The following GALNT13 variants were observed in gnomAD, a reference collection of about 807,000 sequenced individuals.
GALNT13 encodes the protein UDP-GalNAc:polypeptide N-acetylgalactosaminyltransferase 13.
In GALNT13, 28 loss-of-function variants were observed where a neutral mutation model predicts 64.2. The observed-to-expected ratio is 0.44, with a 90% confidence interval of 0.32 to 0.60. GALNT13 has a LOEUF of 0.60. GALNT13 is among the 20% of genes least tolerant of loss of function. The pLI is 0.05. For synonymous variants in GALNT13, 214 were observed against 224.6 expected (o/e 0.95, Z 0.42); for missense variants, 577 against 669.8 (o/e 0.86, Z 1.53).
intron 9 of GALNT13, among the ~76,000 whole-genome samples, chr2:154,312,750 G>A (rs1225441122): frequency 6.6e-6 from 1 of 152,018 alleles, no homozygotes; most frequent in Non-Finnish European, 1.5e-5. Context: ...CAAAATTGAT[G>A]TTTTGCTTGT....
the GALNT13 span, among the ~76,000 whole-genome samples, chr2:153,648,921 A>G: frequency 2.0e-5 from 3 of 152,164 alleles, no homozygotes; most frequent in Admixed American, 6.6e-5. Flanking sequence ...TTGGTCTAAA[A>G]TTCTCTTTTT....
chr2:153,860,350 T>G, the GALNT13 span, among the ~76,000 whole-genome samples: 3 of 152,224 alleles, frequency 2.0e-5, no homozygotes, highest in Non-Finnish European at 4.4e-5. Flanking sequence ...AGGACATCCT[T>G]GTACTTGCCC....
chr2:153,384,593 T>C, the GALNT13 span, among the ~76,000 whole-genome samples: 2 of 151,980 alleles, frequency 1.3e-5, no homozygotes, highest in African/African-American at 2.4e-5. Flanking sequence ...TCTTCCAATT[T>C]TTAAAGGCAA....
At chr2:153,163,935 G>A in the GALNT13 span, among the ~76,000 whole-genome samples, 4 of 151,156 alleles carry the variant, frequency 2.6e-5, no homozygotes, top group Admixed American at 6.6e-5. Flanking sequence ...GGAGAATGGC[G>A]TGAACCCGGG....
chr2:153,211,134 C>CTT, the GALNT13 span, among the ~76,000 whole-genome samples: 9 of 147,652 alleles, frequency 6.1e-5, no homozygotes, highest in East Asian at 4.0e-4. Flanking sequence ...ATTGACAAAC[C>CTT]TTTTTTTTTT....
At chr2:154,397,371 G>A (rs963299069) in intron 10 of GALNT13, among the ~76,000 whole-genome samples, 10 of 152,122 alleles carry the variant, frequency 6.6e-5, no homozygotes, top group Non-Finnish European at 2.9e-5. Flanking sequence ...CCCAGGAGGT[G>A]GAGCTTGCAA....
At chr2:153,648,660 G>C in the GALNT13 span, among the ~76,000 whole-genome samples, 21 of 152,220 alleles carry the variant, frequency 1.4e-4, no homozygotes, top group African/African-American at 4.8e-4. Context: ...AATTTATTGA[G>C]AGATTTTAGC....
At chr2:154,264,585 C>T (rs1348335500) in intron 8 of GALNT13, among the ~76,000 whole-genome samples, 3 of 151,602 alleles carry the variant, frequency 2.0e-5, no homozygotes, top group African/African-American at 4.8e-5. Flanking sequence ...TGCAGTGAGC[C>T]GAGATCATGA....
chr2:153,253,221 T>G, the GALNT13 span, among the ~76,000 whole-genome samples: 4 of 149,608 alleles, frequency 2.7e-5, no homozygotes, highest in Admixed American at 1.3e-4. Context: ...TTTTATTCTC[T>G]TTGAAGCAAT....
At chr2:153,826,815 A>T in the GALNT13 span, among the ~76,000 whole-genome samples, 26,865 of 152,074 alleles carry the variant, frequency 0.18, 2,899 homozygotes, top group Admixed American at 0.36. Flanking sequence ...AACTAGATAC[A>T]CTAATGCAAA....
chr2:153,877,753 T>A (rs1376794125), intron 1 of GALNT13, among the ~76,000 whole-genome samples: 2 of 152,172 alleles, frequency 1.3e-5, no homozygotes, highest in Non-Finnish European at 2.9e-5. Context: ...AAAATATATG[T>A]AAAGGTGTAT....
intron 8 of GALNT13, among the ~76,000 whole-genome samples, chr2:154,278,425 T>C (rs1691777240): frequency 6.6e-6 from 1 of 152,110 alleles, no homozygotes; most frequent in African/African-American, 2.4e-5. Context: ...AAGTTAAAGA[T>C]GTACCAGGAG....
At chr2:154,084,477 A>G (rs1701428088) in intron 3 of GALNT13, among the ~76,000 whole-genome samples, 1 of 151,908 alleles carries the variant, frequency 6.6e-6, no homozygotes, top group Admixed American at 6.6e-5. Flanking sequence ...AATTGATTTT[A>G]AGTAGAGTAT....
chr2:154,260,675 A>G (rs1690648928), intron 8 of GALNT13, among the ~76,000 whole-genome samples: 2 of 152,214 alleles, frequency 1.3e-5, no homozygotes, highest in African/African-American at 4.8e-5. Context: ...TTGAGAACCC[A>G]AAATTATTAC....
chr2:154,420,659 A>T (rs185969157), intron 11 of GALNT13, among the ~76,000 whole-genome samples: 1 of 152,154 alleles, frequency 6.6e-6, no homozygotes. Flanking sequence ...ATTCCCCATC[A>T]CCCTTAGACT....
At chr2:153,840,733 A>C in the GALNT13 span, among the ~76,000 whole-genome samples, 1 of 152,186 alleles carries the variant, frequency 6.6e-6, no homozygotes, top group Non-Finnish European at 1.5e-5. Context: ...AAAAAATAGA[A>C]AAAGCTAGAA....
chr2:154,450,632 T>C lies in GALNT13; in HGVS notation c.*81T>C. On this transcript the variant is annotated 3_prime_UTR_variant, in exon 13 of 13. Coordinates refer to ENST00000392825, the MANE Select transcript of GALNT13 (RefSeq NM_052917.4). ...AATTGGGGGAAAATATTAACTTTGC[T>C]GAATTGAAAGTTTTAAAAATCCTTT... The C allele has an allele frequency of 7.8e-7, 1 of 1,284,738 alleles. No individual in the cohort carries two copies. 79.6% of individuals were successfully genotyped at this position (1,284,738 alleles called of 1,614,324 possible).
At chr2:153,792,699 C>T in the GALNT13 span, among the ~76,000 whole-genome samples, 1 of 152,068 alleles carries the variant, frequency 6.6e-6, no homozygotes, top group African/African-American at 2.4e-5. Context: ...CTGTTTGCTA[C>T]TATTGGTCAT....
At chr2:154,060,811 G>A (rs1310950205) in intron 3 of GALNT13, among the ~76,000 whole-genome samples, 2 of 151,958 alleles carry the variant, frequency 1.3e-5, no homozygotes, top group African/African-American at 4.8e-5. Flanking sequence ...CTAAACACAA[G>A]AAAGTATATT....
Sources: gnomAD v4.1 joint callset for allele counts (sites outside exome capture counted in the v4.1 genomes callset) on GRCh38, gnomAD v4.1.1 for gene constraint, MANE v1.5 for transcripts, NCBI Gene and HGNC (gene_info 2026-07-23, HGNC 2026-07-21) for gene names.